The following TTC27 variants were observed in gnomAD, a reference collection of about 807,000 sequenced individuals.
TTC27 encodes the protein tetratricopeptide repeat protein 27.
In TTC27, 79 loss-of-function variants were observed where a neutral mutation model predicts 115.9. The ratio of observed to expected loss-of-function variants is 0.68; its 90% confidence interval spans 0.57 to 0.82. The LOEUF (loss-of-function observed/expected upper bound fraction) is 0.82. Ranked by LOEUF, TTC27 falls within the 40% of genes least tolerant of loss-of-function variation. TTC27 has a pLI of 0.00. For missense variants in TTC27, 1,054 were observed against 993.1 expected, an observed-to-expected ratio of 1.06 and a Z score of -0.82; for synonymous variants, 401 against 356.0, an observed-to-expected ratio of 1.13 and a Z score of -1.42.
intron 10 of TTC27, among the ~76,000 whole-genome samples, chr2:32,726,990 G>A (rs926559745): frequency 6.6e-6 from 1 of 152,092 alleles, no homozygotes. Flanking sequence ...TCACAGTCAC[G>A]AGAACAGCAC....
intron 12 of TTC27, among the ~76,000 whole-genome samples, chr2:32,756,238 T>C (rs1441006800): frequency 6.6e-6 from 1 of 152,236 alleles, no homozygotes; most frequent in African/African-American, 2.4e-5. Flanking sequence ...GTGGGTACCA[T>C]ACCGTCAGTA....
chr2:32,653,432 A>G (rs1201065071), intron 5 of TTC27, among the ~76,000 whole-genome samples: 1 of 152,052 alleles, frequency 6.6e-6, no homozygotes, highest in Non-Finnish European at 1.5e-5. Flanking sequence ...TGTCTCTACT[A>G]AAAACATAAA....
intron 5 of TTC27, among the ~76,000 whole-genome samples, chr2:32,652,740 G>T (rs1024529401): frequency 3.9e-5 from 6 of 152,104 alleles, no homozygotes. Context: ...AAAATGTTTT[G>T]TTCTGGGATT....
At chr2:32,652,177 G>C (rs1665148588) in intron 5 of TTC27, among the ~76,000 whole-genome samples, 1 of 152,116 alleles carries the variant, frequency 6.6e-6, no homozygotes, top group South Asian at 2.1e-4. Flanking sequence ...TTCGAGACCA[G>C]TCTGGCCAAC....
intron 1 of TTC27, among the ~76,000 whole-genome samples, chr2:32,628,760 TA>T (rs2063533535): frequency 6.6e-6 from 1 of 151,384 alleles, no homozygotes; most frequent in African/African-American, 2.4e-5. Flanking sequence ...TTTATTTATT[TA>T]TTTATTTATT....
intron 9 of TTC27, among the ~76,000 whole-genome samples, chr2:32,697,700 G>A (rs1443205990): frequency 6.6e-6 from 1 of 152,126 alleles, no homozygotes; most frequent in East Asian, 1.9e-4. Flanking sequence ...TTATTCAGGG[G>A]CACATAGATA....
intron 10 of TTC27, among the ~76,000 whole-genome samples, chr2:32,730,918 G>C (rs750991400): frequency 6.6e-6 from 1 of 151,994 alleles, no homozygotes; most frequent in Non-Finnish European, 1.5e-5. Context: ...CATTGCACCC[G>C]GCCAAGCCTT....
chr2:32,682,985 C>G (rs1666495506), intron 9 of TTC27, among the ~76,000 whole-genome samples: 1 of 150,678 alleles, frequency 6.6e-6, no homozygotes, highest in South Asian at 2.1e-4. Context: ...TCCTGAGTAG[C>G]TGGGACTACA....
intron 18 of TTC27, among the ~76,000 whole-genome samples, chr2:32,815,810 C>T (rs1209969282): frequency 6.6e-6 from 1 of 152,150 alleles, no homozygotes; most frequent in South Asian, 2.1e-4. Context: ...CTAACTCTGC[C>T]TTTTGAAAAT....
At chr2:32,685,829 T>A (rs1466178820) in intron 9 of TTC27, among the ~76,000 whole-genome samples, 1 of 152,222 alleles carries the variant, frequency 6.6e-6, no homozygotes, top group East Asian at 1.9e-4. Flanking sequence ...TTCACTTGTC[T>A]TCTAGTTGAA....
rs1572562492 is a variant in TTC27 at position 32,736,606 on chromosome 2, A to G, written c.1330-88A>G. 32 of 1,494,864 alleles carry G rather than the reference A, an allele frequency of 2.1e-5. No individual in the cohort carries two copies. In the South Asian group the frequency reaches 3.7e-4, roughly 17 times the overall value. 92.6% of individuals were successfully genotyped at this position (1,494,864 alleles called of 1,614,324 possible). Reference sequence around the variant, plus strand: ...CATTTATTACAATAAGCAGACCCCTAAAAAGGCAGATTAGGTACACCTGCA... The same window carrying G: ...CATTTATTACAATAAGCAGACCCCTGAAAAGGCAGATTAGGTACACCTGCA... On this transcript the variant is annotated intron_variant, in intron 11 of 19. Transcript: ENST00000317907.
chr2:32,650,882 C>T (rs995455392), intron 5 of TTC27, among the ~76,000 whole-genome samples: 2 of 152,264 alleles, frequency 1.3e-5, no homozygotes, highest in Admixed American at 1.3e-4. Context: ...GTGCCTCCTG[C>T]TGCCTTTGTT....
intron 19 of TTC27, 45 bp downstream of exon 19, chr2:32,817,602 G>GT (rs1671549044): frequency 6.6e-7 from 1 of 1,516,690 alleles, no homozygotes. Context: ...TATAGAAAAA[G>GT]GTCATTAGTA....
intron 12 of TTC27, among the ~76,000 whole-genome samples, chr2:32,748,468 T>A (rs1207615075): frequency 6.6e-6 from 1 of 152,206 alleles, no homozygotes. Context: ...ATTATTCATG[T>A]CTACTTACAT....
chr2:32,631,884 C>T (rs1664230510), intron 2 of TTC27, among the ~76,000 whole-genome samples: 1 of 150,744 alleles, frequency 6.6e-6, no homozygotes, highest in African/African-American at 2.4e-5. Context: ...GATCTCGGCT[C>T]ACTGCAACCT....
At chr2:32,770,261 C>T (rs1306375161) in intron 13 of TTC27, among the ~76,000 whole-genome samples, 5 of 152,138 alleles carry the variant, frequency 3.3e-5, no homozygotes, top group Non-Finnish European at 7.4e-5. Flanking sequence ...TTTTAATTCT[C>T]TGCAGTCACT....
rs747477414 is a variant in TTC27, at chr2:32,628,302, C to T, written c.10C>T (p.Pro4Ser). 1.2e-6 allele frequency: 2 copies of T among 1,605,488 alleles called. No individual in the cohort carries two copies. Among genetic ancestry groups the T allele is most frequent in the Non-Finnish European group, 1.7e-6 (2 of 1,177,208 alleles). MWT[P>S]ELAILRGFPT... ...AGCGGTGTCTGGGGTGATGTGGACC[C>T]CGGAGCTGGCAATTCTGAGGGGATT... The change falls in exon 1 of 20, where the codon CCG (proline) becomes TCG (serine). Residue 4 changes from proline to serine, a missense_variant. Pro to Ser is a moderately conservative substitution (Grantham distance 74). Coordinates refer to ENST00000317907, the MANE Select transcript of TTC27 (RefSeq NM_017735.5).
intron 9 of TTC27, among the ~76,000 whole-genome samples, chr2:32,702,211 A>G (rs1667210902): frequency 1.3e-5 from 2 of 152,156 alleles, no homozygotes; most frequent in African/African-American, 4.8e-5. Flanking sequence ...CAAGGGTGGC[A>G]TCAACTTTCA....
chr2:32,773,237 G>A (rs1669887500), intron 13 of TTC27, among the ~76,000 whole-genome samples: 1 of 152,164 alleles, frequency 6.6e-6, no homozygotes, highest in African/African-American at 2.4e-5. Flanking sequence ...TTGCCTTCAC[G>A]ATTTGCCCTG....
Sources: allele counts gnomAD v4.1 joint callset (sites outside exome capture counted in the v4.1 genomes callset), GRCh38; gene constraint gnomAD v4.1.1; transcripts MANE v1.5; gene names NCBI Gene and HGNC (gene_info 2026-07-23, HGNC 2026-07-21).